NRG1: variants seen among roughly 807,000 people sequenced by gnomAD.
The protein encoded by NRG1 is pro-neuregulin-1, membrane-bound isoform.
In NRG1, 18 loss-of-function variants were observed where a neutral mutation model predicts 63.8. The observed-to-expected ratio is 0.28, with a 90% CI of 0.19 to 0.42. NRG1 has a LOEUF of 0.42. Ranked by LOEUF, NRG1 falls within the 10% of genes least tolerant of loss-of-function variation. NRG1 has a pLI of 1.00. For missense variants in NRG1, 762 were observed against 814.7 expected, an observed-to-expected ratio of 0.94 and a Z score of 0.79; for synonymous variants, 302 against 301.3, an observed-to-expected ratio of 1.00 and a Z score of -0.02.
At chr8:31,964,329 A>G (rs951060505) in intron 1 of NRG1, among the ~76,000 whole-genome samples, 6 of 152,230 alleles carry the variant, frequency 3.9e-5, no homozygotes, top group Non-Finnish European at 7.3e-5. Context: ...TGAAGTGGAC[A>G]TTGTTTTGAG....
chr8:32,418,802 T>C (rs1816296105), intron 1 of NRG1, among the ~76,000 whole-genome samples: 1 of 152,194 alleles, frequency 6.6e-6, no homozygotes, highest in Non-Finnish European at 1.5e-5. Flanking sequence ...AAAACCAGCA[T>C]TGCAGTTCAG....
intron 1 of NRG1, among the ~76,000 whole-genome samples, chr8:32,070,358 C>T (rs1825570444): frequency 6.6e-6 from 1 of 152,132 alleles, no homozygotes; most frequent in Non-Finnish European, 1.5e-5. Flanking sequence ...TATAACCTTG[C>T]TCTGTAAGAC....
chr8:31,857,653 T>TA (rs1828049782), intron 1 of NRG1, among the ~76,000 whole-genome samples: 1 of 152,230 alleles, frequency 6.6e-6, no homozygotes, highest in African/African-American at 2.4e-5. Context: ...AATACATTCT[T>TA]ACATGTGGTT....
At position 32,518,107 on chromosome 8, in the gene NRG1, C is replaced by G. The variant is rs574112227; in HGVS notation, c.38-77721C>G. Among the ~76,000 whole-genome samples, 10 of 152,154 alleles carry G rather than the reference C, an allele frequency of 6.6e-5. No homozygotes were observed. In the South Asian group the frequency reaches 8.3e-4, roughly 13 times the overall value. ...TATTTCCATATCTCACAATTTTTTC[C>G]TAGGCCATTGCTGGTGACAGACTTT... On this transcript the variant is annotated intron_variant, in intron 1 of 10. Transcript: ENST00000519301.
chr8:32,123,107 A>C (rs1309488626), intron 1 of NRG1, among the ~76,000 whole-genome samples: 1 of 151,996 alleles, frequency 6.6e-6, no homozygotes, highest in Non-Finnish European at 1.5e-5. Context: ...ATCAGTGTAC[A>C]TTTGTAATGA....
At chr8:31,820,680 T>C (rs540670663) in intron 1 of NRG1, among the ~76,000 whole-genome samples, 8 of 152,120 alleles carry the variant, frequency 5.3e-5, no homozygotes, top group East Asian at 3.9e-4. Context: ...TTGGAACTTA[T>C]CTAAACCAAT....
In NRG1 at chr8:32,189,913, A is replaced by G. The variant is rs555880235; in HGVS notation, c.38-405915A>G. ...CTAGTAGATTATTATTTTGTAGGAG[A>G]CATCATCAGTGCTCATGTTAAATGA... is the stretch of plus-strand genomic sequence containing the variant. On this transcript the variant is annotated intron_variant, in intron 1 of 10. Transcript: ENST00000519301. Among the ~76,000 whole-genome samples the G allele has an allele frequency of 2.0e-5, 3 of 152,258 alleles. No individual in the cohort carries two copies. The East Asian group carries it at 5.8e-4, about 29-fold the overall frequency.
At chr8:32,272,924 C>A (rs1851695230) in intron 1 of NRG1, among the ~76,000 whole-genome samples, 3 of 152,156 alleles carry the variant, frequency 2.0e-5, no homozygotes, top group African/African-American at 7.2e-5. Context: ...TGAAAGCAAA[C>A]TTCCAATTGA....
chr8:32,008,012 G>A (rs1814068408), intron 1 of NRG1, among the ~76,000 whole-genome samples: 1 of 151,898 alleles, frequency 6.6e-6, no homozygotes, highest in South Asian at 2.1e-4. Flanking sequence ...GCTTAAAAAG[G>A]CTCAGGGAAC....
chr8:31,958,088 C>T (rs200432770), intron 1 of NRG1, among the ~76,000 whole-genome samples: 62 of 34,760 alleles, frequency 1.8e-3, no homozygotes, highest in Non-Finnish European at 3.1e-3. Flanking sequence ...GATAGACAGA[C>T]AGATAGATAG....
intron 1 of NRG1, among the ~76,000 whole-genome samples, chr8:31,704,263 C>T (rs927270513): frequency 6.6e-6 from 1 of 152,096 alleles, no homozygotes; most frequent in African/African-American, 2.4e-5. Context: ...TTTTTGAATT[C>T]TCTCTATTAT....
chr8:32,721,676 T>G (rs55801278), intron 5 of NRG1: 20,554 of 297,724 alleles, frequency 0.069, 851 homozygotes, highest in Middle Eastern at 0.13. Context: ...TATTTGCTAT[T>G]CAGCAAAGGA....
In NRG1 at chr8:32,650,027, C is replaced by T. The variant is rs147108873; in HGVS notation, c.502+33142C>T. ...CATTGTCCAGAGAAAGAAAAAAATG[C>T]CCTTTGAAAAACACTTCAACTAAAT... On this transcript the variant is annotated intron_variant, in intron 5 of 11. Coordinates refer to ENST00000356819, the Ensembl canonical transcript of NRG1. Among the ~76,000 whole-genome samples the T allele has an allele frequency of 2.5e-3, 380 of 152,194 alleles. 1 individual carries two copies. Among genetic ancestry groups the T allele is most frequent in the African/African-American group, 8.6e-3 (358 of 41,512 alleles).
intron 5 of NRG1, among the ~76,000 whole-genome samples, chr8:32,698,154 C>T (rs527716046): frequency 3.3e-5 from 5 of 151,254 alleles, no homozygotes; most frequent in South Asian, 4.2e-4. Context: ...TGCAGTGAGC[C>T]GAGATTGCAC....
chr8:31,663,012 A>G (rs1411985895), intron 1 of NRG1, among the ~76,000 whole-genome samples: 4 of 152,052 alleles, frequency 2.6e-5, no homozygotes, highest in South Asian at 2.1e-4. Context: ...ATGACTCCAC[A>G]TGCTTCTTGC....
chr8:32,579,621 A>G (rs1840295585), intron 1 of NRG1, among the ~76,000 whole-genome samples: 1 of 152,114 alleles, frequency 6.6e-6, no homozygotes, highest in African/African-American at 2.4e-5. Context: ...TGGTTTATCT[A>G]TTTTTATGTA....
intron 1 of NRG1, among the ~76,000 whole-genome samples, chr8:31,877,270 T>C (rs1272382343): frequency 6.6e-6 from 1 of 152,186 alleles, no homozygotes; most frequent in Non-Finnish European, 1.5e-5. Flanking sequence ...AACATTTTTA[T>C]TGATTAATTC....
At chr8:32,646,224 A>T (rs1588948462) in intron 5 of NRG1, among the ~76,000 whole-genome samples, 1 of 151,796 alleles carries the variant, frequency 6.6e-6, no homozygotes, top group Non-Finnish European at 1.5e-5. Flanking sequence ...TGGGCTGCCA[A>T]CCCCTCCCCT....
rs542326562 is a variant in NRG1, at chr8:32,125,523, C to T, written c.38-470305C>T. Among the ~76,000 whole-genome samples, 351 of 152,016 alleles carry T rather than the reference C, an allele frequency of 2.3e-3. 2 individuals are homozygous for T. The highest frequency in any genetic ancestry group is 3.8e-3 in the Non-Finnish European group (256 of 67,884). ...GCTGTCCAGAGTCAATATCACTATC[C>T]TACTCAAAAATCTGCAACAATCTAC... On this transcript the variant is annotated intron_variant, in intron 1 of 10. Coordinates refer to the NRG1 transcript ENST00000519301.
Sources: gnomAD v4.1 joint callset for allele counts (sites outside exome capture counted in the v4.1 genomes callset) on GRCh38, gnomAD v4.1.1 for gene constraint, MANE v1.5 for transcripts, NCBI Gene and HGNC (gene_info 2026-07-23, HGNC 2026-07-21) for gene names.